Variants in TCP11L2 observed in about 807,000 individuals in gnomAD.
TCP11L2 encodes the protein t-complex 11 like 2, also known as T-complex protein 11-like protein 2.
TCP11L2 carries 39 observed loss-of-function variants against 50.7 expected under a neutral mutation model. The observed-to-expected ratio is 0.77, with a 90% CI of 0.60 to 1.01. The LOEUF (loss-of-function observed/expected upper bound fraction) is 1.01, where lower values mean the gene tolerates loss of function less well. Ranked by LOEUF, TCP11L2 falls within the 50% of genes least tolerant of loss-of-function variation. The probability of loss-of-function intolerance (pLI) is 0.00; values close to 1 mark genes in which losing one functional copy is unlikely to be tolerated. For synonymous variants in TCP11L2, 192 were observed against 219.3 expected, an observed-to-expected ratio of 0.88 and a Z score of 1.10; for missense variants, 612 against 614.7, an observed-to-expected ratio of 1.00 and a Z score of 0.05.
Position 106,330,114 on chromosome 12 carries a change from T to C in TCP11L2, c.773-5525T>C. 4 of 985,406 alleles carry C rather than the reference T, an allele frequency of 4.1e-6. No individual in the cohort carries two copies. In the South Asian group the frequency reaches 1.9e-4, roughly 46 times the overall value. The allele number at this position is 985,406 out of a possible 1,614,324, so 61.0% of individuals were successfully genotyped here. A position where few individuals can be genotyped will look rare whatever the true frequency, so the allele number is the denominator to read the frequency against. On this transcript the variant is annotated intron_variant, in intron 6 of 9. Transcript: ENST00000299045. ...GGTATAAAAAGCAATTTGTTTCTAGTGGGAAACCTTAGAACTGGGCCTAAA... is the reference window on the plus strand; with the variant it reads ...GGTATAAAAAGCAATTTGTTTCTAGCGGGAAACCTTAGAACTGGGCCTAAA...
At chr12:106,323,466 T>G in intron 5 of TCP11L2, 44 bp from the exon 6 acceptor site, 1 of 1,491,302 alleles carries the variant, frequency 6.7e-7, no homozygotes, top group Non-Finnish European at 9.1e-7. Flanking sequence ...GAATTTCAGC[T>G]TCACTTCTTA....
chr12:106,326,408 C>T (rs2035548020), intron 6 of TCP11L2, among the ~76,000 whole-genome samples: 1 of 152,132 alleles, frequency 6.6e-6, no homozygotes, highest in Non-Finnish European at 1.5e-5. Flanking sequence ...GTAGGGCAGA[C>T]TAGGATTCAT....
At chr12:106,327,599 A>G (rs2035601857) in intron 6 of TCP11L2, among the ~76,000 whole-genome samples, 1 of 152,182 alleles carries the variant, frequency 6.6e-6, no homozygotes, top group Admixed American at 6.5e-5. Context: ...ATAGGTCATT[A>G]TTGCTTAGCA....
chr12:106,335,652 G>A lies in TCP11L2; in HGVS notation c.786G>A (p.Gln262=). The change falls in exon 7 of 10, where the codon CAG becomes CAA. Residue 262 remains glutamine (Q), a synonymous_variant. Coordinates refer to ENST00000299045, the MANE Select transcript of TCP11L2 (RefSeq NM_152772.3). ...ILEETPSALD[Q]TTEWIKESVN... ...TTTCACTCTTAGGTGCTCTTGATCA[G>A]ACTACAGAATGGATAAAAGAATCTG... 3 of 1,614,070 alleles carry A rather than the reference G, an allele frequency of 1.9e-6. No individual in the cohort carries two copies. Among genetic ancestry groups the A allele is most frequent in the Non-Finnish European group, 2.5e-6 (3 of 1,179,998 alleles).
chr12:106,334,956 A>T (rs536509740), intron 6 of TCP11L2, among the ~76,000 whole-genome samples: 1 of 152,232 alleles, frequency 6.6e-6, no homozygotes, highest in Non-Finnish European at 1.5e-5. Context: ...AAAAGAAAAG[A>T]AAGAAAATAA....
chr12:106,338,381 G>A (rs1429897766), intron 8 of TCP11L2, among the ~76,000 whole-genome samples: 2 of 152,100 alleles, frequency 1.3e-5, no homozygotes, highest in East Asian at 3.9e-4. Flanking sequence ...TTTACTCAGT[G>A]TTTAGTTCCC....
chr12:106,327,457 G>A (rs1254256881), intron 6 of TCP11L2, among the ~76,000 whole-genome samples: 3 of 152,166 alleles, frequency 2.0e-5, no homozygotes, highest in Non-Finnish European at 4.4e-5. Context: ...TGGGATTACA[G>A]GCATGAGCCA....
chr12:106,319,839 A>T (rs1419586532), intron 4 of TCP11L2, among the ~76,000 whole-genome samples: 1 of 152,268 alleles, frequency 6.6e-6, no homozygotes, highest in East Asian at 1.9e-4. Context: ...TTAAGCATGT[A>T]CTGTATGGAT....
At chr12:106,332,942 A>G (rs1317702342) in intron 6 of TCP11L2, among the ~76,000 whole-genome samples, 2 of 152,182 alleles carry the variant, frequency 1.3e-5, no homozygotes, top group Non-Finnish European at 2.9e-5. Context: ...TCTTGAAGTG[A>G]CATAGTTTTG....
At chr12:106,322,853 G>A (rs1319069539) in intron 5 of TCP11L2, among the ~76,000 whole-genome samples, 1 of 152,138 alleles carries the variant, frequency 6.6e-6, no homozygotes, top group Non-Finnish European at 1.5e-5. Flanking sequence ...TCAGTTATAG[G>A]ATCCTTGCTT....
rs139996202 is a variant in TCP11L2 at position 106,329,493 on chromosome 12, C to G, written c.772+5847C>G. ...CTCCTTCTGCTTTACCGGTCATTCT[C>G]AAGTCTGACTACAAATTAGAATCAT... On this transcript the variant is annotated intron_variant, in intron 6 of 9. Transcript: ENST00000299045. 1.5e-5 allele frequency: 22 copies of G among 1,502,558 alleles called. No individual in the cohort carries two copies. In the African/African-American group the frequency reaches 2.1e-4, roughly 14 times the overall value. The allele number at this position is 1,502,558 out of a possible 1,614,324, so 93.1% of individuals were successfully genotyped here.
intron 1 of TCP11L2, among the ~76,000 whole-genome samples, chr12:106,308,358 C>G (rs143728604): frequency 1.3e-5 from 2 of 152,346 alleles, no homozygotes; most frequent in East Asian, 3.9e-4. Context: ...GCCACAAACC[C>G]TGGACTCCTG....
chr12:106,309,896 G>A (rs752414647), intron 1 of TCP11L2, among the ~76,000 whole-genome samples: 18 of 152,038 alleles, frequency 1.2e-4, no homozygotes, highest in Non-Finnish European at 2.1e-4. Flanking sequence ...CATTCTGGCC[G>A]CTTTAAAAGC....
chr12:106,334,800 G>A (rs781760234), intron 6 of TCP11L2, among the ~76,000 whole-genome samples: 4 of 152,088 alleles, frequency 2.6e-5, no homozygotes, highest in Non-Finnish European at 5.9e-5. Flanking sequence ...AATTATCTGG[G>A]TGTGGTGGTG....
intron 6 of TCP11L2, 47 bp from the exon 7 acceptor site, chr12:106,335,592 A>C (rs1049154016): frequency 6.3e-7 from 1 of 1,585,282 alleles, no homozygotes; most frequent in African/African-American, 1.3e-5. Context: ...ACACCAGTGA[A>C]GGGATCAATC....
intron 8 of TCP11L2, among the ~76,000 whole-genome samples, chr12:106,338,546 T>G (rs1274920032): frequency 6.6e-6 from 1 of 152,256 alleles, no homozygotes; most frequent in African/African-American, 2.4e-5. Context: ...TACCATATTT[T>G]CTTTATCCAG....
rs139783295 is a variant in TCP11L2 at position 106,310,376 on chromosome 12, T to C, written c.-35-665T>C. ...TTAATCTTCATATCACAGCAGTTCA[T>C]GTGGAAATGGAGGGGGAAGAAGCTA... On this transcript the variant is annotated intron_variant, in intron 1 of 9. Coordinates refer to ENST00000299045, the MANE Select transcript of TCP11L2 (RefSeq NM_152772.3). Among the ~76,000 whole-genome samples the C allele has an allele frequency of 2.7e-3, 413 of 152,308 alleles. 5 individuals carry two copies. Among genetic ancestry groups the C allele is most frequent in the African/African-American group, 9.4e-3 (389 of 41,556 alleles).
chr12:106,320,985 C>A (rs2035314425), intron 4 of TCP11L2, among the ~76,000 whole-genome samples: 1 of 152,082 alleles, frequency 6.6e-6, no homozygotes, highest in Admixed American at 6.5e-5. Context: ...ATTAATTTTT[C>A]TTGTATGTAT....
rs1176035222 is a variant in TCP11L2, at chr12:106,318,906, T to A, written c.414+442T>A. Among the ~76,000 whole-genome samples the A allele has an allele frequency of 4.0e-3, 601 of 150,524 alleles. 2 individuals are homozygous for A. The highest frequency in any genetic ancestry group is 8.7e-3 in the African/African-American group (354 of 40,634). Reference sequence around the variant, plus strand: ...TTTGTATTTTATTTTATTTTTTTTTTTTTTTTTATTTTTTTTGAGACGGAG... The same window carrying A: ...TTTGTATTTTATTTTATTTTTTTTTATTTTTTTATTTTTTTTGAGACGGAG... On this transcript the variant is annotated intron_variant, in intron 4 of 9. Transcript: ENST00000299045.
Sources: allele counts gnomAD v4.1 joint callset (sites outside exome capture counted in the v4.1 genomes callset), GRCh38; gene constraint gnomAD v4.1.1; transcripts MANE v1.5; gene names NCBI Gene and HGNC (gene_info 2026-07-23, HGNC 2026-07-21).